The following UNC13C variants were observed in gnomAD, a reference collection of about 807,000 sequenced individuals.
UNC13C encodes protein unc-13 homolog C.
Under a neutral mutation model 245.4 loss-of-function variants are expected in UNC13C, and 174 were observed. That is an observed-to-expected ratio of 0.71 (90% CI 0.63 to 0.80). The LOEUF is 0.80. Ranked by LOEUF, UNC13C falls within the 30% of genes least tolerant of loss-of-function variation. UNC13C has a pLI of 0.00. For synonymous variants in UNC13C, 992 were observed against 895.1 expected (o/e 1.11, Z -1.93); for missense variants, 2,829 against 2,602.9 (o/e 1.09, Z -1.89).
chr15:54,380,921 A>T (rs2039710464), intron 17 of UNC13C, among the ~76,000 whole-genome samples: 1 of 152,174 alleles, frequency 6.6e-6, no homozygotes, highest in South Asian at 2.1e-4. Flanking sequence ...TCCCTTCACT[A>T]TTTTGAGTTC....
At chr15:54,612,900 G>A (rs915506781) in intron 30 of UNC13C, among the ~76,000 whole-genome samples, 3 of 151,710 alleles carry the variant, frequency 2.0e-5, no homozygotes, top group African/African-American at 7.2e-5. Context: ...TTGGTCAAAG[G>A]CTTGCATTTT....
At chr15:54,434,895 C>T (rs773273656) in intron 19 of UNC13C, among the ~76,000 whole-genome samples, 11 of 151,450 alleles carry the variant, frequency 7.3e-5, no homozygotes, top group Non-Finnish European at 1.3e-4. Context: ...CAAGAAAAAA[C>T]AACCCCATCA....
In UNC13C at chr15:54,014,035, C is replaced by G; in HGVS notation, c.1132C>G (p.Leu378Val). 6.2e-7 allele frequency: 1 copy of G among 1,613,772 alleles called. No homozygotes were observed. The highest frequency in any genetic ancestry group is 1.1e-5 in the South Asian group (1 of 91,076). Residue 378 changes from leucine to valine, a missense_variant, in exon 2 of 33, where the codon CTT becomes GTT. By Grantham distance (32) the Leu-to-Val change is conservative. Coordinates refer to ENST00000260323, the MANE Select transcript of UNC13C (RefSeq NM_001080534.3). The stretch of plus-strand genomic sequence containing the variant: ...CCCAAATGCAAAGCCTCGACCCATA[C>G]TTGTGTACTTTGAAACCCCTCAACA... ...DCPNAKPRPI[L>V]VYFETPQQRD...
At chr15:53,955,406 A>G in the UNC13C span, among the ~76,000 whole-genome samples, 2 of 152,196 alleles carry the variant, frequency 1.3e-5, no homozygotes, top group African/African-American at 4.8e-5. Context: ...TGGGGTTATT[A>G]AAAGACATGA....
chr15:54,561,304 T>G (rs915907814), intron 29 of UNC13C, among the ~76,000 whole-genome samples: 2 of 151,982 alleles, frequency 1.3e-5, no homozygotes, highest in Non-Finnish European at 2.9e-5. Context: ...CATGTTAACT[T>G]ATAACAGTGT....
At chr15:54,060,570 G>A (rs1245343257) in intron 2 of UNC13C, among the ~76,000 whole-genome samples, 1 of 152,150 alleles carries the variant, frequency 6.6e-6, no homozygotes, top group Admixed American at 6.5e-5. Flanking sequence ...TGATTCCTCA[G>A]GGATCTAGAA....
chr15:54,266,242 A>G (rs1596111496), intron 10 of UNC13C, among the ~76,000 whole-genome samples: 1 of 152,086 alleles, frequency 6.6e-6, no homozygotes, highest in African/African-American at 2.4e-5. Flanking sequence ...ATATTGTGTA[A>G]GAAGTAGAGT....
intron 7 of UNC13C, among the ~76,000 whole-genome samples, chr15:54,239,174 C>T (rs1234324476): frequency 6.6e-6 from 1 of 152,170 alleles, no homozygotes; most frequent in East Asian, 1.9e-4. Context: ...CCCATTTTAA[C>T]TTTCTGTAAC....
intron 4 of UNC13C, among the ~76,000 whole-genome samples, chr15:54,176,767 T>G (rs576130745): frequency 6.6e-6 from 1 of 152,212 alleles, no homozygotes; most frequent in East Asian, 1.9e-4. Context: ...GACTAAGATA[T>G]TAAAATCTAA....
intron 1 of UNC13C, among the ~76,000 whole-genome samples, chr15:53,983,184 G>C (rs1170243085): frequency 6.6e-6 from 1 of 152,096 alleles, no homozygotes; most frequent in African/African-American, 2.4e-5. Context: ...ATAGCATTAG[G>C]ATACTTAGCT....
chr15:54,436,321 A>G (rs547736161), intron 19 of UNC13C, among the ~76,000 whole-genome samples: 1 of 152,162 alleles, frequency 6.6e-6, no homozygotes, highest in Admixed American at 6.6e-5. Context: ...TATATACACA[A>G]AGGATTATAA....
intron 2 of UNC13C, among the ~76,000 whole-genome samples, chr15:54,074,783 A>T (rs1252751139): frequency 6.6e-6 from 1 of 152,136 alleles, no homozygotes; most frequent in East Asian, 1.9e-4. Flanking sequence ...GGGGTGAGAC[A>T]ATGGGGTTTT....
chr15:53,875,469 G>C, the UNC13C span, among the ~76,000 whole-genome samples: 1 of 152,124 alleles, frequency 6.6e-6, no homozygotes, highest in Non-Finnish European at 1.5e-5. Flanking sequence ...GCTTGAGTGA[G>C]GACAATAGCA....
At chr15:54,624,147 C>T (rs1596704030) in intron 32 of UNC13C, among the ~76,000 whole-genome samples, 193 bp downstream of exon 32, 2 of 152,266 alleles carry the variant, frequency 1.3e-5, no homozygotes, top group Middle Eastern at 3.4e-3. Flanking sequence ...GTGTATATAT[C>T]ATAGGAGGTG....
intron 19 of UNC13C, among the ~76,000 whole-genome samples, chr15:54,440,811 C>A (rs898225186): frequency 1.3e-5 from 2 of 151,976 alleles, no homozygotes; most frequent in Non-Finnish European, 2.9e-5. Context: ...TGTAACCCTG[C>A]CAGCATCTAT....
chr15:54,483,494 T>C (rs1242883211), intron 19 of UNC13C, among the ~76,000 whole-genome samples: 2 of 152,146 alleles, frequency 1.3e-5, no homozygotes, highest in Non-Finnish European at 2.9e-5. Context: ...CTGTTTTCTT[T>C]TCTTTTCTTT....
intron 27 of UNC13C, among the ~76,000 whole-genome samples, chr15:54,548,292 G>A (rs1460466067): frequency 4.3e-5 from 6 of 140,168 alleles, no homozygotes; most frequent in African/African-American, 1.6e-4. Flanking sequence ...CGCGATCTCG[G>A]CTCACTGCAA....
At chr15:54,475,267 G>A (rs970242599) in intron 19 of UNC13C, among the ~76,000 whole-genome samples, 1 of 147,328 alleles carries the variant, frequency 6.8e-6, no homozygotes, top group Non-Finnish European at 1.5e-5. Flanking sequence ...TAGTGAGAGG[G>A]GTATGGTTTT....
intron 10 of UNC13C, among the ~76,000 whole-genome samples, chr15:54,288,817 G>A (rs1596151448): frequency 6.6e-6 from 1 of 151,998 alleles, no homozygotes; most frequent in South Asian, 2.1e-4. Context: ...AAGTAACCAC[G>A]TAAGCCTGGA....
Sources: gnomAD v4.1 joint callset for allele counts (sites outside exome capture counted in the v4.1 genomes callset) on GRCh38, gnomAD v4.1.1 for gene constraint, MANE v1.5 for transcripts, NCBI Gene and HGNC (gene_info 2026-07-23, HGNC 2026-07-21) for gene names.